PKM: variants seen among roughly 807,000 people sequenced by gnomAD.
PKM encodes pyruvate kinase M1/2.
Under a neutral mutation model 49.8 loss-of-function variants are expected in PKM, and 18 were observed. The ratio of observed to expected loss-of-function variants is 0.36; its 90% confidence interval spans 0.25 to 0.54. The LOEUF (loss-of-function observed/expected upper bound fraction) is 0.54, where lower values mean the gene tolerates loss of function less well. Ranked by LOEUF, PKM falls within the 20% of genes least tolerant of loss-of-function variation. PKM has a pLI of 0.89. For synonymous variants in PKM, 239 were observed against 261.8 expected (o/e 0.91, Z 0.84); for missense variants, 508 against 713.8 (o/e 0.71, Z 3.28).
At chr15:72,221,310 G>A in intron 1 of PKM, 1 of 1,385,050 alleles carries the variant, frequency 7.2e-7, no homozygotes, top group Non-Finnish European at 9.9e-7. Context: ...GGAAAAAGCT[G>A]AGTGTAACTA....
At chr15:72,227,826 G>A (rs901781682) in intron 1 of PKM, among the ~76,000 whole-genome samples, 2 of 143,980 alleles carry the variant, frequency 1.4e-5, no homozygotes, top group Non-Finnish European at 3.0e-5. Context: ...AGTTTGTAAT[G>A]TAAGTGCTGC....
chr15:72,227,944 C>G (rs184617422), intron 1 of PKM, among the ~76,000 whole-genome samples: 50 of 152,240 alleles, frequency 3.3e-4, no homozygotes, highest in African/African-American at 1.1e-3. Flanking sequence ...TGTGACCCCA[C>G]ATCAGTGTCA....
At position 72,199,579 on chromosome 15, in the gene PKM, C is replaced by T. The variant is rs564605428; in HGVS notation, c.*71G>A. On this transcript the variant is annotated 3_prime_UTR_variant, in exon 11 of 11. Transcript: ENST00000335181. The stretch of plus-strand genomic sequence containing the variant: ...TACAGCCCAGAGTGAGTTCTACAAG[C>T]GTTGCTGGCCTAATGGATGGGCTGG... 132 of 1,029,800 alleles carry T rather than the reference C, an allele frequency of 1.3e-4. No homozygotes were observed. Among genetic ancestry groups the T allele is most frequent in the South Asian group, 4.3e-4 (33 of 76,580 alleles). The allele number at this position is 1,029,800 out of a possible 1,614,324, so 63.8% of individuals were successfully genotyped here.
At chr15:72,206,461 G>A (rs567358359) in intron 8 of PKM, 1 of 515,194 alleles carries the variant, frequency 1.9e-6, no homozygotes, top group African/African-American at 1.9e-5. Flanking sequence ...AGTCAGAAGT[G>A]AAATAAACTG....
chr15:72,210,039 AAT>A (rs2082209359), intron 4 of PKM, 180 bp from the exon 5 acceptor site: 8 of 667,322 alleles, frequency 1.2e-5, no homozygotes, highest in Admixed American at 2.3e-5. Flanking sequence ...CCAAGAAAAG[AAT>A]ATGTTTCAGT....
chr15:72,218,372 C>G (rs1202490661), intron 2 of PKM, among the ~76,000 whole-genome samples: 1 of 152,108 alleles, frequency 6.6e-6, no homozygotes, highest in Non-Finnish European at 1.5e-5. Context: ...GGTGATCCAC[C>G]TGCCTCAGCC....
intron 1 of PKM, 67 bp downstream of exon 1, chr15:72,231,049 G>A (rs1315619395): frequency 3.3e-6 from 3 of 917,774 alleles, no homozygotes; most frequent in South Asian, 1.4e-5. Flanking sequence ...GGCGCGCCGG[G>A]ATTCCGCACT....
chr15:72,219,456 C>T (rs1403768976), intron 1 of PKM: 10 of 191,182 alleles, frequency 5.2e-5, no homozygotes, highest in South Asian at 1.3e-4. Flanking sequence ...CATCATTTAA[C>T]ATGCACTGAA....
Position 72,203,078 on chromosome 15 carries a change from C to T in PKM, c.1141-458G>A, listed in dbSNP as rs200751462. On this transcript the variant is annotated intron_variant, in intron 8 of 10. Coordinates refer to ENST00000335181, the MANE Select transcript of PKM (RefSeq NM_002654.6). ...CTGCTAAACACTTATAAGAAGCCTC[C>T]ACGCTGCCCATGGCCATGGCTTCCA... The T allele has an allele frequency of 5.6e-6, 9 of 1,614,210 alleles. No homozygotes were observed. In the East Asian group the frequency reaches 2.0e-4, roughly 36 times the overall value.
intron 1 of PKM, among the ~76,000 whole-genome samples, chr15:72,228,325 C>CAGT (rs1003774808): frequency 8.0e-5 from 12 of 150,566 alleles, no homozygotes; most frequent in Non-Finnish European, 1.6e-4. Flanking sequence ...GCTCTTAAGG[C>CAGT]AGTACAGAGA....
intron 1 of PKM, among the ~76,000 whole-genome samples, chr15:72,229,143 G>A (rs1264242702): frequency 6.6e-6 from 1 of 152,164 alleles, no homozygotes; most frequent in Non-Finnish European, 1.5e-5. Flanking sequence ...AGGCGTTTGG[G>A]GACAGTAGGA....
At chr15:72,229,183 T>C (rs904735408) in intron 1 of PKM, among the ~76,000 whole-genome samples, 4 of 152,236 alleles carry the variant, frequency 2.6e-5, no homozygotes, top group Non-Finnish European at 5.9e-5. Flanking sequence ...TTATGCTCAA[T>C]TGTGGACTAA....
chr15:72,199,556 C>G lies in PKM; in HGVS notation c.*94G>C, dbSNP rs752407217. The G allele has an allele frequency of 1.2e-5, 10 of 859,648 alleles. No individual in the cohort carries two copies. In the Admixed American group the frequency reaches 1.9e-4, roughly 16 times the overall value. 53.3% of individuals were successfully genotyped at this position (859,648 alleles called of 1,614,324 possible). On this transcript the variant is annotated 3_prime_UTR_variant, in exon 11 of 11. Coordinates refer to ENST00000335181, the MANE Select transcript of PKM (RefSeq NM_002654.6). The stretch of plus-strand genomic sequence containing the variant: ...GTCCCAACCTACCAGTGCCACGTTA[C>G]AGCCCAGAGTGAGTTCTACAAGCGT...
chr15:72,203,405 T>C (rs2081996274), intron 8 of PKM: 2 of 579,502 alleles, frequency 3.5e-6, no homozygotes, highest in Non-Finnish European at 6.2e-6. Context: ...ACAGGGGAAA[T>C]TGGCTCTTCC....
chr15:72,228,052 AGCTAATGAT>A (rs1264852425), intron 1 of PKM, among the ~76,000 whole-genome samples: 1 of 152,238 alleles, frequency 6.6e-6, no homozygotes, highest in Non-Finnish European at 1.5e-5. Flanking sequence ...GTTCTTAAAG[AGCTAATGAT>A]GCTCTTTGCT....
rs756102633 is a variant in PKM at position 72,199,689 on chromosome 15, G to A, written c.1557C>T (p.Ser519=). The A allele has an allele frequency of 3.7e-5, 60 of 1,613,832 alleles. No homozygotes were observed. Among genetic ancestry groups the A allele is most frequent in the Non-Finnish European group, 4.7e-5 (56 of 1,179,948 alleles). Residue 519 remains serine, a synonymous_variant, in exon 11 of 11, where the codon TCC becomes TCT. Coordinates refer to ENST00000335181, the MANE Select transcript of PKM (RefSeq NM_002654.6). The stretch of plus-strand genomic sequence containing the variant: ...CAACACGCATGGTGTTGGTGAAGCC[G>A]GAGCCAGGGCGCCATCCGGTCAGCA... ...VIVLTGWRPG[S]GFTNTMRVVP...
intron 6 of PKM, among the ~76,000 whole-genome samples, chr15:72,207,654 C>T (rs1029857241): frequency 5.3e-5 from 8 of 152,260 alleles, no homozygotes; most frequent in Admixed American, 5.2e-4. Flanking sequence ...CTGATGACTG[C>T]TTCCACCACA....
At chr15:72,205,852 G>A (rs1354117543) in intron 8 of PKM, among the ~76,000 whole-genome samples, 1 of 152,098 alleles carries the variant, frequency 6.6e-6, no homozygotes, top group Non-Finnish European at 1.5e-5. Flanking sequence ...CCAAACCTAT[G>A]TAACCCTGAT....
At chr15:72,207,354 T>C in intron 6 of PKM, 77 bp from the exon 7 acceptor site, 1 of 1,289,910 alleles carries the variant, frequency 7.8e-7, no homozygotes, top group Non-Finnish European at 1.1e-6. Flanking sequence ...GAAGTTTCCC[T>C]GGGATTCCCT....
Sources: gnomAD v4.1 joint callset for allele counts (sites outside exome capture counted in the v4.1 genomes callset) on GRCh38, gnomAD v4.1.1 for gene constraint, MANE v1.5 for transcripts, NCBI Gene and HGNC (gene_info 2026-07-23, HGNC 2026-07-21) for gene names.